Variants in CNTNAP2 observed in about 807,000 individuals in gnomAD.
CNTNAP2 encodes contactin-associated protein-like 2.
A neutral mutation model predicts 155.2 loss-of-function variants in CNTNAP2; 98 were observed. The observed-to-expected ratio is 0.63, with a 90% CI of 0.54 to 0.75. The LOEUF (loss-of-function observed/expected upper bound fraction) is 0.75, where lower values mean the gene tolerates loss of function less well. CNTNAP2 is among the 30% of genes least tolerant of loss of function. The pLI is 0.00. For synonymous variants in CNTNAP2, 651 were observed against 631.2 expected, an observed-to-expected ratio of 1.03 and a Z score of -0.47; for missense variants, 1,727 against 1,688.1, an observed-to-expected ratio of 1.02 and a Z score of -0.40.
chr7:147,209,445 A>G (rs1563116965), intron 8 of CNTNAP2, among the ~76,000 whole-genome samples: 1 of 151,996 alleles, frequency 6.6e-6, no homozygotes, highest in Admixed American at 6.6e-5. Flanking sequence ...TTGATTTTAT[A>G]CCCTGAAACT....
chr7:146,986,305 G>A (rs1269827595), intron 3 of CNTNAP2, among the ~76,000 whole-genome samples: 10 of 152,064 alleles, frequency 6.6e-5, no homozygotes, highest in African/African-American at 1.4e-4. Context: ...CTCCAATATC[G>A]TCCAGGTTGC....
intron 16 of CNTNAP2, among the ~76,000 whole-genome samples, chr7:148,135,720 G>C (rs1190852292): frequency 1.4e-5 from 2 of 143,972 alleles, no homozygotes; most frequent in Non-Finnish European, 3.2e-5. Context: ...GTGGTGGCAG[G>C]TGCGTGTAAT....
intron 1 of CNTNAP2, among the ~76,000 whole-genome samples, chr7:146,352,748 C>CTGTTTTT: frequency 1.5e-5 from 1 of 66,206 alleles, no homozygotes; most frequent in African/African-American, 9.5e-5. Flanking sequence ...TAGCATAATT[C>CTGTTTTT]TGTTTTTTTT....
intron 21 of CNTNAP2, among the ~76,000 whole-genome samples, chr7:148,289,057 G>C (rs1797146275): frequency 6.6e-6 from 1 of 151,558 alleles, no homozygotes; most frequent in Non-Finnish European, 1.5e-5. Context: ...TAGCAGGCCT[G>C]TCTCCCTTTG....
At chr7:146,302,353 C>G (rs1800626477) in intron 1 of CNTNAP2, among the ~76,000 whole-genome samples, 1 of 152,066 alleles carries the variant, frequency 6.6e-6, no homozygotes, top group Admixed American at 6.6e-5. Flanking sequence ...AACTTGTCAA[C>G]TAAGTTAGTC....
intron 13 of CNTNAP2, among the ~76,000 whole-genome samples, chr7:147,811,780 T>G (rs1489637189): frequency 6.6e-6 from 1 of 152,172 alleles, no homozygotes; most frequent in Non-Finnish European, 1.5e-5. Flanking sequence ...TGCTTTTTGA[T>G]ATCCTTAATG....
chr7:147,754,191 C>G (rs987999296), intron 13 of CNTNAP2, among the ~76,000 whole-genome samples: 1 of 152,144 alleles, frequency 6.6e-6, no homozygotes. Flanking sequence ...AACAAATTAT[C>G]GCTCCATCAT....
intron 21 of CNTNAP2, among the ~76,000 whole-genome samples, chr7:148,331,528 G>GACGGATGGAGTGGATGGATGGA: frequency 5.9e-5 from 1 of 17,084 alleles, no homozygotes; most frequent in African/African-American, 3.0e-4. Flanking sequence ...GGATGGAATG[G>GACGGATGGAGTGGATGGATGGA]ATGGACGGAT....
At chr7:147,925,293 CACACACACACA>C (rs1800375512) in intron 14 of CNTNAP2, among the ~76,000 whole-genome samples, 2 of 9,672 alleles carry the variant, frequency 2.1e-4, no homozygotes, top group Non-Finnish European at 3.2e-4. Context: ...AGCGCGCGCG[CACACACACACA>C]CACACACACA....
chr7:147,824,208 C>T (rs896629381), intron 13 of CNTNAP2, among the ~76,000 whole-genome samples: 9 of 152,094 alleles, frequency 5.9e-5, no homozygotes, highest in East Asian at 3.9e-4. Flanking sequence ...AATATTTTTC[C>T]GGTTTCTGGA....
At chr7:146,292,061 T>C (rs1007052408) in intron 1 of CNTNAP2, among the ~76,000 whole-genome samples, 4 of 151,960 alleles carry the variant, frequency 2.6e-5, no homozygotes, top group African/African-American at 4.8e-5. Flanking sequence ...GATTAGAAAA[T>C]GGGCAAAGGA....
chr7:147,585,031 C>G (rs972276986), intron 12 of CNTNAP2, among the ~76,000 whole-genome samples: 1 of 152,150 alleles, frequency 6.6e-6, no homozygotes, highest in Non-Finnish European at 1.5e-5. Flanking sequence ...GCACATCAGT[C>G]TCTGAGTCTC....
intron 1 of CNTNAP2, among the ~76,000 whole-genome samples, chr7:146,276,932 C>T (rs940634944): frequency 3.3e-5 from 5 of 152,074 alleles, no homozygotes; most frequent in African/African-American, 1.2e-4. Context: ...AGACATCCAC[C>T]CAGTACCTGT....
chr7:147,725,567 T>G (rs985611750), intron 13 of CNTNAP2, among the ~76,000 whole-genome samples: 2 of 152,082 alleles, frequency 1.3e-5, no homozygotes, highest in African/African-American at 2.4e-5. Context: ...TCCTCCTCTC[T>G]GGAGTCCAAC....
chr7:147,547,381 C>T (rs541943436), intron 11 of CNTNAP2, among the ~76,000 whole-genome samples: 9 of 152,208 alleles, frequency 5.9e-5, no homozygotes, highest in Admixed American at 2.0e-4. Context: ...GCCACTAATG[C>T]TGCGGTTGCT....
chr7:147,933,773 G>T (rs1240747863), intron 14 of CNTNAP2, among the ~76,000 whole-genome samples: 3 of 152,124 alleles, frequency 2.0e-5, no homozygotes, highest in Non-Finnish European at 4.4e-5. Flanking sequence ...TGAGGTGGGA[G>T]AATCGATTGA....
intron 10 of CNTNAP2, among the ~76,000 whole-genome samples, chr7:147,441,857 C>CT (rs1563205232): frequency 5.5e-5 from 7 of 127,426 alleles, no homozygotes; most frequent in African/African-American, 2.1e-4. Flanking sequence ...CTCTCCCTCC[C>CT]TCCCTCCCTC....
intron 1 of CNTNAP2, among the ~76,000 whole-genome samples, chr7:146,362,160 C>A (rs538857906): frequency 5.3e-5 from 8 of 152,216 alleles, no homozygotes; most frequent in African/African-American, 1.9e-4. Flanking sequence ...GAAATAAAAA[C>A]TACTTTACTA....
chr7:147,348,477 C>T (rs1337392876), intron 9 of CNTNAP2, among the ~76,000 whole-genome samples: 2 of 151,522 alleles, frequency 1.3e-5, no homozygotes, highest in Non-Finnish European at 2.9e-5. Flanking sequence ...AGGCTATTAT[C>T]AAAAAGATGA....
Sources: allele counts gnomAD v4.1 joint callset (sites outside exome capture counted in the v4.1 genomes callset), GRCh38; gene constraint gnomAD v4.1.1; transcripts MANE v1.5; gene names NCBI Gene and HGNC (gene_info 2026-07-23, HGNC 2026-07-21).